The following ALB variants were observed in gnomAD, a reference collection of about 807,000 sequenced individuals.
ALB encodes serum albumin.
Under a neutral mutation model 74.5 loss-of-function variants are expected in ALB, and 37 were observed. That is an observed-to-expected ratio of 0.50 (90% CI 0.38 to 0.65). ALB has a LOEUF of 0.65. ALB is among the 30% of genes least tolerant of loss of function. ALB has a pLI of 0.00. For missense variants in ALB, 685 were observed against 718.7 expected, an observed-to-expected ratio of 0.95 and a Z score of 0.54; for synonymous variants, 249 against 251.6, an observed-to-expected ratio of 0.99 and a Z score of 0.10.
At chr4:73,405,257 C>A (rs1718690930) in intron 2 of ALB, 84 bp downstream of exon 2, 1 of 1,209,350 alleles carries the variant, frequency 8.3e-7, no homozygotes. Flanking sequence ...TCCTTGTCAT[C>A]AGGGTTCAGA....
In ALB at chr4:73,417,295, C is replaced by T. The variant is rs542214136; in HGVS notation, c.1290-236C>T. On this transcript the variant is annotated intron_variant, in intron 10 of 14. Coordinates refer to ENST00000295897, the MANE Select transcript of ALB (RefSeq NM_000477.7). The stretch of plus-strand genomic sequence containing the variant: ...AATTTATTAATGTCACTGAATTAGG[C>T]AACTCACTTTCCCAAGATTATGCAA... 2.0e-5 allele frequency among the ~76,000 whole-genome samples: 3 copies of T among 152,260 alleles called. No homozygotes were observed. In the South Asian group the frequency reaches 6.2e-4, roughly 32 times the overall value.
chr4:73,407,698 G>T (rs1256184739), intron 3 of ALB, among the ~76,000 whole-genome samples: 1 of 152,114 alleles, frequency 6.6e-6, no homozygotes, highest in Non-Finnish European at 1.5e-5. Flanking sequence ...CCTCATTTTA[G>T]ATATCTTTGT....
chr4:73,406,609 T>A lies in ALB; in HGVS notation c.138-20T>A. Reference sequence around the variant, plus strand: ...ATTAAAGTTTTATTATACTACATTTTTCTACATCCTTTGTTTCAGGGTGTT... The same window carrying A: ...ATTAAAGTTTTATTATACTACATTTATCTACATCCTTTGTTTCAGGGTGTT... On this transcript the variant is annotated intron_variant, in intron 2 of 14. Transcript: ENST00000295897. The A allele has an allele frequency of 1.2e-6, 2 of 1,612,758 alleles. No individual in the cohort carries two copies. The highest frequency in any genetic ancestry group is 8.5e-7 in the Non-Finnish European group (1 of 1,179,506).
In ALB at chr4:73,421,419, G is replaced by T; in HGVS notation, c.*351G>T. 4.3e-6 allele frequency: 1 copy of T among 233,020 alleles called. No homozygotes were observed. The allele number at this position is 233,020 out of a possible 1,614,324, so 14.4% of individuals were successfully genotyped here. Reference sequence around the variant, plus strand: ...ATCATTAATACTCTTCTAAGTTATGGATTATAAACATTCAAAATAATATTT... The same window carrying T: ...ATCATTAATACTCTTCTAAGTTATGTATTATAAACATTCAAAATAATATTT... On this transcript the variant is annotated 3_prime_UTR_variant, in exon 15 of 15. Coordinates refer to ENST00000295897, the MANE Select transcript of ALB (RefSeq NM_000477.7).
At position 73,414,826 on chromosome 4, in the gene ALB, A is replaced by G. The variant is rs56324614; in HGVS notation, c.1059-209A>G. ...CTCTGATCATTTAAATAAGTTGCCT[A>G]AGGTGATGCAGTGATATAAGTAGCA... On this transcript the variant is annotated intron_variant, in intron 8 of 14. Coordinates refer to ENST00000295897, the MANE Select transcript of ALB (RefSeq NM_000477.7). Among the ~76,000 whole-genome samples, 355 of 152,256 alleles carry G rather than the reference A, an allele frequency of 2.3e-3. 2 individuals carry two copies. The highest frequency in any genetic ancestry group is 8.4e-3 in the African/African-American group (347 of 41,552).
chr4:73,418,406 T>C, intron 12 of ALB, 95 bp downstream of exon 12: 1 of 1,093,076 alleles, frequency 9.1e-7, no homozygotes, highest in Non-Finnish European at 1.4e-6. Context: ...GTGATTATAT[T>C]TCTTAGAGGA....
At chr4:73,411,935 T>C (rs2149328158) in intron 6 of ALB, 61 bp from the exon 7 acceptor site, 6 of 1,597,858 alleles carry the variant, frequency 3.8e-6, no homozygotes, top group Non-Finnish European at 5.1e-6. Context: ...AGTATTTGCC[T>C]AGTGTTTTCA....
Position 73,420,237 on chromosome 4 carries a change from C to T in ALB, c.1786-17C>T. 6.2e-7 allele frequency: 1 copy of T among 1,609,402 alleles called. No individual in the cohort carries two copies. Among genetic ancestry groups the T allele is most frequent in the South Asian group, 1.1e-5 (1 of 90,854 alleles). ...ATGCTAATATTTTCCTAACATCTGT[C>T]ATGTCTTTGTGTTCAGGGTAAAAAA... On this transcript the variant is annotated splice_polypyrimidine_tract_variant and intron_variant, in intron 13 of 14. Transcript: ENST00000295897.
chr4:73,406,465 C>CTAGG lies in ALB; in HGVS notation c.138-163_138-160dup, dbSNP rs932308175. On this transcript the variant is annotated intron_variant, in intron 2 of 14. Transcript: ENST00000295897. The stretch of plus-strand genomic sequence containing the variant: ...TGCGTAGGAAGCCACATATGCCTAT[C>CTAGG]TAGGCCTCAGATCATACCTGATATG... 2.6e-5 allele frequency among the ~76,000 whole-genome samples: 4 copies of CTAGG among 152,304 alleles called. No homozygotes were observed. The East Asian group carries it at 5.8e-4, about 22-fold the overall frequency.
chr4:73,413,530 A>G lies in ALB; in HGVS notation c.954A>G (p.Glu318=). ...AATCCCACTGCATTGCCGAAGTGGAAAATGATGAGATGCCTGCTGACTTGC... is the reference window on the plus strand; with the variant it reads ...AATCCCACTGCATTGCCGAAGTGGAGAATGATGAGATGCCTGCTGACTTGC... The part of the protein sequence containing the change: ...LEKSHCIAEV[E]NDEMPADLPS... The change falls in exon 8 of 15, where the codon GAA becomes GAG. Residue 318 remains glutamate (E), a synonymous_variant. Coordinates refer to ENST00000295897, the MANE Select transcript of ALB (RefSeq NM_000477.7). The G allele has an allele frequency of 6.2e-7, 1 of 1,614,230 alleles. No homozygotes were observed. The highest frequency in any genetic ancestry group is 8.5e-7 in the Non-Finnish European group (1 of 1,180,040).
chr4:73,415,245 G>A (rs930222767), intron 9 of ALB, 78 bp downstream of exon 9: 29 of 1,530,466 alleles, frequency 1.9e-5, no homozygotes, highest in Non-Finnish European at 2.6e-5. Flanking sequence ...ATGCAAGAAT[G>A]TAAAATGATA....
intron 4 of ALB, 100 bp from the exon 5 acceptor site, chr4:73,409,255 T>C (rs1718807936): frequency 7.8e-7 from 1 of 1,289,180 alleles, no homozygotes; most frequent in Non-Finnish European, 1.1e-6. Context: ...TAATTAGATA[T>C]CTTTGGAATT....
Position 73,408,574 on chromosome 4 carries a change from A to G in ALB, c.271-20A>G, listed in dbSNP as rs1163620001. ...AAAAAGGTACTGTCCAGCAACTGAA[A>G]CCTGCTTTCTTCCATTTAGCATACC... On this transcript the variant is annotated intron_variant, in intron 3 of 14. Coordinates refer to ENST00000295897, the MANE Select transcript of ALB (RefSeq NM_000477.7). The G allele has an allele frequency of 3.1e-6, 5 of 1,610,728 alleles. No individual in the cohort carries two copies. Among genetic ancestry groups the G allele is most frequent in the Admixed American group, 1.7e-5 (1 of 59,982 alleles).
chr4:73,406,611 C>T lies in ALB; in HGVS notation c.138-18C>T, dbSNP rs1560854234. 1 of 1,612,916 alleles carries T rather than the reference C, an allele frequency of 6.2e-7. No individual in the cohort carries two copies. Among genetic ancestry groups the T allele is most frequent in the Non-Finnish European group, 8.5e-7 (1 of 1,179,624 alleles). ...TAAAGTTTTATTATACTACATTTTTCTACATCCTTTGTTTCAGGGTGTTGA... is the reference window on the plus strand; with the variant it reads ...TAAAGTTTTATTATACTACATTTTTTTACATCCTTTGTTTCAGGGTGTTGA... On this transcript the variant is annotated intron_variant, in intron 2 of 14. Transcript: ENST00000295897.
Position 73,408,578 on chromosome 4 carries a change from G to T in ALB, c.271-16G>T. 6.2e-7 allele frequency: 1 copy of T among 1,611,774 alleles called. No individual in the cohort carries two copies. The highest frequency in any genetic ancestry group is 8.5e-7 in the Non-Finnish European group (1 of 1,178,212). ...AGGTACTGTCCAGCAACTGAAACCT[G>T]CTTTCTTCCATTTAGCATACCCTTT... On this transcript the variant is annotated splice_polypyrimidine_tract_variant and intron_variant, in intron 3 of 14. Coordinates refer to ENST00000295897, the MANE Select transcript of ALB (RefSeq NM_000477.7).
intron 12 of ALB, 91 bp downstream of exon 12, chr4:73,418,402 A>T: frequency 8.7e-7 from 1 of 1,144,848 alleles, no homozygotes; most frequent in Non-Finnish European, 1.3e-6. Context: ...AGTAGTGATT[A>T]TATTTCTTAG....
intron 4 of ALB, 52 bp downstream of exon 4, chr4:73,408,857 A>T: frequency 1.4e-6 from 2 of 1,440,160 alleles, no homozygotes; most frequent in Non-Finnish European, 1.9e-6. Flanking sequence ...GAGTAACTCC[A>T]TAGGCCAACA....
At position 73,409,469 on chromosome 4, in the gene ALB, T is replaced by G. The variant is rs281860282; in HGVS notation, c.597T>G (p.Ala199=). The G allele has an allele frequency of 6.2e-7, 1 of 1,613,874 alleles. No homozygotes were observed. Among genetic ancestry groups the G allele is most frequent in the African/African-American group, 1.3e-5 (1 of 74,918 alleles). Residue 199 remains alanine, a synonymous_variant, in exon 5 of 15, where the codon GCT becomes GCG. Transcript: ENST00000295897. The part of the protein sequence containing the change: ...FTECCQAADK[A]ACLLPKLDEL... ...AATGTTGCCAAGCTGCTGATAAAGC[T>G]GCCTGCCTGTTGCCAAAGGTATTAT...
chr4:73,405,169 G>A lies in ALB; in HGVS notation c.133G>A (p.Ala45Thr), dbSNP rs969641697. Residue 45 changes from alanine (A) to threonine (T), a missense_variant, in exon 2 of 15, where the codon GCC becomes ACC. By Grantham distance (58) the Ala-to-Thr change is moderately conservative (BLOSUM62 0). Transcript: ENST00000295897. ...AGATTTGGGAGAAGAAAATTTCAAA[G>A]CCTTGTAAGTTAAAATATTGATGAA... ...FKDLGEENFK[A>T]LVLIAFAQYL... is the part of the protein sequence containing the mutation. The A allele has an allele frequency of 6.2e-7, 1 of 1,610,300 alleles. No homozygotes were observed. Among genetic ancestry groups the A allele is most frequent in the Middle Eastern group, 1.7e-4 (1 of 6,052 alleles).
Sources: gnomAD v4.1 joint callset for allele counts (sites outside exome capture counted in the v4.1 genomes callset) on GRCh38, gnomAD v4.1.1 for gene constraint, MANE v1.5 for transcripts, NCBI Gene and HGNC (gene_info 2026-07-23, HGNC 2026-07-21) for gene names.